Variants in PRDM6 observed in about 807,000 individuals in gnomAD.
The protein encoded by PRDM6 is putative histone-lysine N-methyltransferase PRDM6.
A neutral mutation model predicts 60.8 loss-of-function variants in PRDM6; 25 were observed. The ratio of observed to expected loss-of-function variants is 0.41; its 90% confidence interval spans 0.30 to 0.57. The LOEUF is 0.57. Among genes scored for constraint, PRDM6 ranks in the 20% least tolerant of loss-of-function variants. The pLI, the probability that PRDM6 is intolerant of heterozygous loss-of-function variation, is 0.27. For synonymous variants in PRDM6, 407 were observed against 357.4 expected (o/e 1.14, Z -1.57); for missense variants, 839 against 821.3 (o/e 1.02, Z -0.26).
intron 3 of PRDM6, among the ~76,000 whole-genome samples, chr5:123,123,118 G>A (rs1352416096): frequency 6.6e-6 from 1 of 152,120 alleles, no homozygotes; most frequent in African/African-American, 2.4e-5. Flanking sequence ...CCCTCAGAAA[G>A]GTTATATCAG....
chr5:123,159,739 T>A, intron 5 of PRDM6, 101 bp downstream of exon 5: 1 of 1,148,316 alleles, frequency 8.7e-7, no homozygotes, highest in Non-Finnish European at 1.2e-6. Flanking sequence ...TGGTTCACTG[T>A]AATAAGTAAC....
At chr5:123,136,437 A>G (rs1412172217) in intron 3 of PRDM6, among the ~76,000 whole-genome samples, 1 of 152,212 alleles carries the variant, frequency 6.6e-6, no homozygotes, top group Admixed American at 6.5e-5. Context: ...CCGAGAGGCT[A>G]AAGTGTTTTT....
At chr5:123,103,217 T>C (rs1333391984) in intron 3 of PRDM6, among the ~76,000 whole-genome samples, 1 of 151,892 alleles carries the variant, frequency 6.6e-6, no homozygotes, top group African/African-American at 2.4e-5. Context: ...TTTTTTGCAA[T>C]AAGCCAAGGT....
At chr5:123,089,938 CCCT>C in intron 1 of PRDM6, 59 bp from the exon 2 acceptor site, 3 of 1,265,172 alleles carry the variant, frequency 2.4e-6, no homozygotes, top group Non-Finnish European at 3.3e-6. Context: ...GTCCCAGTGG[CCCT>C]CTTCCCGGCC....
intron 6 of PRDM6, among the ~76,000 whole-genome samples, chr5:123,172,110 C>T (rs1032690708): frequency 9.9e-5 from 15 of 152,116 alleles, no homozygotes; most frequent in African/African-American, 3.4e-4. Flanking sequence ...TTTAAGCAAG[C>T]CACTTGGCTC....
chr5:123,144,094 C>A (rs573672624), intron 3 of PRDM6, among the ~76,000 whole-genome samples: 19 of 152,256 alleles, frequency 1.2e-4, no homozygotes, highest in Middle Eastern at 3.4e-3. Context: ...GCTAGCACCC[C>A]CTGGAGAGGA....
At chr5:123,175,247 T>C (rs901267874) in intron 6 of PRDM6, among the ~76,000 whole-genome samples, 2 of 152,222 alleles carry the variant, frequency 1.3e-5, no homozygotes, top group Non-Finnish European at 1.5e-5. Context: ...TTATTTTGCA[T>C]CCCTTTTCTT....
At chr5:123,118,621 A>T (rs1056114115) in intron 3 of PRDM6, among the ~76,000 whole-genome samples, 4 of 152,220 alleles carry the variant, frequency 2.6e-5, no homozygotes, top group African/African-American at 9.6e-5. Flanking sequence ...TGACCAAAGC[A>T]CAGACTGTCT....
In PRDM6 at chr5:123,191,228, G is replaced by C. The variant is rs752299794; in HGVS notation, c.*4027G>C. On this transcript the variant is annotated 3_prime_UTR_variant, in exon 8 of 8. Transcript: ENST00000407847. ...GTTGGCAGTGTAGTCCCTTTCCCCGGTGTGCAGAAGTAACATTATTTGTTT... is the reference window on the plus strand; with the variant it reads ...GTTGGCAGTGTAGTCCCTTTCCCCGCTGTGCAGAAGTAACATTATTTGTTT... 2 of 152,092 alleles carry C rather than the reference G, an allele frequency of 1.3e-5. No individual in the cohort carries two copies. The highest frequency in any genetic ancestry group is 2.4e-5 in the African/African-American group (1 of 41,420). The allele number at this position is 152,092 out of a possible 1,614,324, so 9.4% of individuals were successfully genotyped here.
chr5:123,145,253 G>C (rs917915090), intron 3 of PRDM6, among the ~76,000 whole-genome samples: 4 of 152,172 alleles, frequency 2.6e-5, no homozygotes, highest in African/African-American at 9.7e-5. Flanking sequence ...GGTTGGATGG[G>C]AAAATCTACA....
At chr5:123,093,012 C>T (rs1763877561) in intron 2 of PRDM6, among the ~76,000 whole-genome samples, 1 of 152,182 alleles carries the variant, frequency 6.6e-6, no homozygotes, top group Non-Finnish European at 1.5e-5. Flanking sequence ...CTGTGAAAAA[C>T]AGAAGCTTCT....
At chr5:123,151,481 A>G (rs1174185576) in intron 3 of PRDM6, among the ~76,000 whole-genome samples, 1 of 152,186 alleles carries the variant, frequency 6.6e-6, no homozygotes, top group Non-Finnish European at 1.5e-5. Flanking sequence ...ATGGGGAGGC[A>G]GAGAAGTGGA....
At position 123,169,704 on chromosome 5, in the gene PRDM6, GC is replaced by G. The variant is rs1171691914; in HGVS notation, c.1154-1059del. Among the ~76,000 whole-genome samples, 4 of 152,184 alleles carry G rather than the reference GC, an allele frequency of 2.6e-5. No individual in the cohort carries two copies. The East Asian group carries it at 7.7e-4, about 29-fold the overall frequency. ...TCACGGATTTAGATGTTCCATACTT[GC>G]CCAAGGCTAGTAAATAGTGGAGTTA... On this transcript the variant is annotated intron_variant, in intron 5 of 7. Transcript: ENST00000407847.
intron 3 of PRDM6, among the ~76,000 whole-genome samples, chr5:123,141,515 T>C (rs888930503): frequency 6.6e-6 from 1 of 152,126 alleles, no homozygotes; most frequent in Non-Finnish European, 1.5e-5. Flanking sequence ...ATATGTCATA[T>C]TTCTTTTATT....
At chr5:123,127,837 T>C (rs2150221461) in intron 3 of PRDM6, among the ~76,000 whole-genome samples, 1 of 152,166 alleles carries the variant, frequency 6.6e-6, no homozygotes, top group East Asian at 1.9e-4. Flanking sequence ...CATACATAGG[T>C]ATACATGTGC....
chr5:123,115,628 T>C (rs1335130184), intron 3 of PRDM6, among the ~76,000 whole-genome samples: 2 of 152,246 alleles, frequency 1.3e-5, no homozygotes, highest in Admixed American at 6.5e-5. Context: ...GTAATTCTTA[T>C]TGCAGTTAGT....
At chr5:123,165,255 C>T (rs189988445) in intron 5 of PRDM6, among the ~76,000 whole-genome samples, 6 of 152,330 alleles carry the variant, frequency 3.9e-5, no homozygotes, top group African/African-American at 1.2e-4. Context: ...AAAACTAAAA[C>T]CACTCTATTC....
At position 123,155,995 on chromosome 5, in the gene PRDM6, A is replaced by G. The variant is rs1467581532; in HGVS notation, c.1012A>G (p.Thr338Ala). 1 of 1,551,688 alleles carries G rather than the reference A, an allele frequency of 6.4e-7. No individual in the cohort carries two copies. The change falls in exon 4 of 8, where the codon ACA becomes GCA. Residue 338 changes from threonine to alanine, a missense_variant. Physicochemically the swap from Thr to Ala is moderately conservative, Grantham distance 58 (BLOSUM62 0). This residue lies in a region of PRDM6 where 730 missense variants were observed against 648.8 expected (regional missense o/e 1.13). Coordinates refer to ENST00000407847, the MANE Select transcript of PRDM6 (RefSeq NM_001136239.4). Reference sequence around the variant, plus strand: ...AAGGCACTGCGGAGAACAGAATCTAACAGTAGTTCAGTACAGGTAAAGTAT... The same window carrying G: ...AAGGCACTGCGGAGAACAGAATCTAGCAGTAGTTCAGTACAGGTAAAGTAT... ...CARHCGEQNL[T>A]VVQYRSNIFY...
chr5:123,161,931 A>T (rs1279322320), intron 5 of PRDM6, among the ~76,000 whole-genome samples: 1 of 152,140 alleles, frequency 6.6e-6, no homozygotes, highest in African/African-American at 2.4e-5. Flanking sequence ...AATCCAGGGG[A>T]GAGATGATGG....
Sources: allele counts gnomAD v4.1 joint callset (sites outside exome capture counted in the v4.1 genomes callset), GRCh38; gene constraint gnomAD v4.1.1; regional missense constraint gnomAD v4.1.1; transcripts MANE v1.5; gene names NCBI Gene and HGNC (gene_info 2026-07-23, HGNC 2026-07-21).